Variants in GSE1 observed in about 807,000 individuals in gnomAD.
The protein encoded by GSE1 is genetic suppressor element 1.
Under a neutral mutation model 112.6 loss-of-function variants are expected in GSE1, and 32 were observed. That is an observed-to-expected ratio of 0.28 (90% CI 0.21 to 0.38). GSE1 has a LOEUF of 0.38. Ranked by LOEUF, GSE1 falls within the 10% of genes least tolerant of loss-of-function variation. The pLI, the probability that GSE1 is intolerant of heterozygous loss-of-function variation, is 1.00. For missense variants in GSE1, 2,348 were observed against 1,699.2 expected, an observed-to-expected ratio of 1.38 and a Z score of -6.71; for synonymous variants, 1,115 against 735.6, an observed-to-expected ratio of 1.52 and a Z score of -8.35.
intron 1 of GSE1, among the ~76,000 whole-genome samples, chr16:85,206,201 G>C (rs187443713): frequency 6.6e-6 from 1 of 151,908 alleles, no homozygotes; most frequent in African/African-American, 2.4e-5. Flanking sequence ...TGGGGGGGGC[G>C]CATGTGCAAA....
At chr16:85,291,849 G>A (rs540002325) in intron 1 of GSE1, among the ~76,000 whole-genome samples, 34 of 152,244 alleles carry the variant, frequency 2.2e-4, no homozygotes, top group Admixed American at 1.0e-3. Context: ...CAAAACACTC[G>A]TCCCTCTCAC....
chr16:85,659,859 C>G (rs776783143), intron 8 of GSE1, among the ~76,000 whole-genome samples: 84 of 152,228 alleles, frequency 5.5e-4, no homozygotes, highest in Non-Finnish European at 1.0e-3. Context: ...AGCCTGGGTC[C>G]TTGAAGACAC....
At chr16:85,239,242 C>T (rs1308667654) in intron 1 of GSE1, among the ~76,000 whole-genome samples, 1 of 152,066 alleles carries the variant, frequency 6.6e-6, no homozygotes, top group East Asian at 1.9e-4. Context: ...TGGCAGTGGC[C>T]TTTTTTAGCG....
At position 85,419,649 on chromosome 16, in the gene GSE1, C is replaced by T. The variant is rs1002585237; in HGVS notation, c.2464+62006C>T. On this transcript the variant is annotated intron_variant, in intron 2 of 2. Coordinates refer to the GSE1 transcript ENST00000637419. The surrounding 1 kb of genome is among the most constrained non-coding windows in gnomAD (Gnocchi z 6.5). ...ACAAAAAACAAAAAATAACATTATG[C>T]CAGAACATGCCAGCCTTTCTCATGC... is the stretch of plus-strand genomic sequence containing the variant. Among the ~76,000 whole-genome samples the T allele has an allele frequency of 1.3e-5, 2 of 152,034 alleles. No individual in the cohort carries two copies. The highest frequency in any genetic ancestry group is 2.1e-4 in the South Asian group (1 of 4,820).
chr16:85,666,910 A>G lies in GSE1; in HGVS notation c.3130+563A>G, dbSNP rs147263419. ...TGGAATTCCACCAAGTTCCAAAAAC[A>G]AAACTTGAATTTGCCAAGCACCAGG... On this transcript the variant is annotated intron_variant, in intron 13 of 15. Coordinates refer to ENST00000253458, the MANE Select transcript of GSE1 (RefSeq NM_014615.5). Among the ~76,000 whole-genome samples, 702 of 152,378 alleles carry G rather than the reference A, an allele frequency of 4.6e-3. 5 individuals carry two copies. Among genetic ancestry groups the G allele is most frequent in the Middle Eastern group, 0.01 (3 of 294 alleles).
chr16:85,170,679 C>G, exon 1 of GSE1: 1 of 985,710 alleles, frequency 1.0e-6, no homozygotes, highest in Non-Finnish European at 1.2e-6. Flanking sequence ...ACCAGGTCCA[C>G]GTGCAGAAGC....
In GSE1 at chr16:85,589,674, G is replaced by C. The variant is rs143928335; in HGVS notation, c.37+33311G>C. ...GTGTGACGTGTGCAAATGTATGGCG[G>C]TGTATGGAATGTGAACGTGAGATAT... On this transcript the variant is annotated intron_variant, in intron 1 of 2. Transcript: ENST00000635906. Among the ~76,000 whole-genome samples, 47 of 152,324 alleles carry C rather than the reference G, an allele frequency of 3.1e-4. 1 individual carries two copies. The highest frequency in any genetic ancestry group is 1.1e-3 in the African/African-American group (45 of 41,570).
rs572446354 is a variant in GSE1 at position 85,385,935 on chromosome 16, C to T, written c.2464+28292C>T. ...GCTAGATAGGGGTATGGGGTGCTTT[C>T]AGGCCTGGCTCAAGCCCCATTGGGG... On this transcript the variant is annotated intron_variant, in intron 2 of 2. Coordinates refer to the GSE1 transcript ENST00000637419. 6.6e-5 allele frequency among the ~76,000 whole-genome samples: 10 copies of T among 152,358 alleles called. No homozygotes were observed. The South Asian group carries it at 1.7e-3, about 25-fold the overall frequency.
intron 1 of GSE1, among the ~76,000 whole-genome samples, chr16:85,632,466 C>T (rs1040882523): frequency 5.9e-5 from 9 of 152,184 alleles, no homozygotes; most frequent in Non-Finnish European, 1.2e-4. Flanking sequence ...TCCCTGAATA[C>T]ATGGCCAGGA....
chr16:85,588,935 G>GTTCACACTCACACATA (rs2151422849), intron 1 of GSE1, among the ~76,000 whole-genome samples: 1 of 152,220 alleles, frequency 6.6e-6, no homozygotes, highest in South Asian at 2.1e-4. Flanking sequence ...ACTTTCACAT[G>GTTCACACTCACACATA]TTCACACTCA....
At chr16:85,371,928 G>A (rs1768149011) in intron 2 of GSE1, among the ~76,000 whole-genome samples, 1 of 152,224 alleles carries the variant, frequency 6.6e-6, no homozygotes, top group Admixed American at 6.5e-5. Context: ...TGGGAGAGGA[G>A]CCAGGCAGCC....
chr16:85,537,807 C>T (rs1024551877), intron 2 of GSE1, among the ~76,000 whole-genome samples: 2 of 152,160 alleles, frequency 1.3e-5, no homozygotes, highest in East Asian at 3.8e-4. Flanking sequence ...CCTAAAGCCC[C>T]GCAGCAGAGT....
chr16:85,199,161 T>C (rs2074982644), intron 1 of GSE1, among the ~76,000 whole-genome samples: 1 of 152,104 alleles, frequency 6.6e-6, no homozygotes, highest in Admixed American at 6.5e-5. Flanking sequence ...TTCAGCATGT[T>C]GGCCAGGCTT....
exon 1 of GSE1, chr16:85,170,811 C>T (rs762967794): frequency 1.0e-6 from 1 of 985,590 alleles, no homozygotes; most frequent in East Asian, 1.1e-4. Context: ...TCTCCTCCCT[C>T]ACGCAGCAGT....
At chr16:85,501,718 G>T (rs761345392) in intron 2 of GSE1, among the ~76,000 whole-genome samples, 5 of 152,176 alleles carry the variant, frequency 3.3e-5, no homozygotes, top group Non-Finnish European at 7.4e-5. Flanking sequence ...TCTTTTGGAG[G>T]TACCAGTTCA....
intron 2 of GSE1, among the ~76,000 whole-genome samples, chr16:85,448,184 G>C (rs895708272): frequency 6.6e-6 from 1 of 152,200 alleles, no homozygotes; most frequent in African/African-American, 2.4e-5. Context: ...AATGATCCCA[G>C]ACGGAGAGTC....
chr16:85,483,205 A>G (rs558352509), intron 2 of GSE1, among the ~76,000 whole-genome samples: 1 of 152,378 alleles, frequency 6.6e-6, no homozygotes, highest in Non-Finnish European at 1.5e-5. Flanking sequence ...GTATTAATAC[A>G]TGCAAACATT....
upstream of GSE1, chr16:85,611,511 A>G: frequency 1.0e-6 from 1 of 982,372 alleles, no homozygotes; most frequent in African/African-American, 1.7e-5. Context: ...GCGCCGTGCC[A>G]GGGCCGGCCA....
At chr16:85,239,018 C>T (rs998380909) in intron 1 of GSE1, among the ~76,000 whole-genome samples, 1 of 152,046 alleles carries the variant, frequency 6.6e-6, no homozygotes, top group East Asian at 1.9e-4. Flanking sequence ...ACCTCTGCCT[C>T]CCGGGTTCAA....
Sources: gnomAD v4.1 joint callset for allele counts (sites outside exome capture counted in the v4.1 genomes callset) on GRCh38, gnomAD v4.1.1 for gene constraint, Gnocchi (gnomAD v3.1) non-coding constraint, MANE v1.5 for transcripts, NCBI Gene and HGNC (gene_info 2026-07-23, HGNC 2026-07-21) for gene names.